Variants in LHFPL2 observed in about 807,000 individuals in gnomAD.
LHFPL2 encodes the protein LHFPL tetraspan subfamily member 2 protein.
LHFPL2 carries 7 observed loss-of-function variants against 17.5 expected under a neutral mutation model. The ratio of observed to expected loss-of-function variants is 0.40; its 90% confidence interval spans 0.23 to 0.75. The LOEUF (loss-of-function observed/expected upper bound fraction) is 0.75, where lower values mean the gene tolerates loss of function less well. Ranked by LOEUF, LHFPL2 falls within the 30% of genes least tolerant of loss-of-function variation. The probability of loss-of-function intolerance (pLI) is 0.37; values close to 1 mark genes in which losing one functional copy is unlikely to be tolerated. For synonymous variants in LHFPL2, 134 were observed against 116.2 expected, an observed-to-expected ratio of 1.15 and a Z score of -0.99; for missense variants, 241 against 294.8, an observed-to-expected ratio of 0.82 and a Z score of 1.34.
intron 4 of LHFPL2, 35 bp downstream of exon 4, chr5:78,509,749 T>C: frequency 6.3e-7 from 1 of 1,589,528 alleles, no homozygotes; most frequent in Non-Finnish European, 8.6e-7. Flanking sequence ...TCTCCATCCC[T>C]CCATCCCACC....
chr5:78,589,894 T>C (rs937438333), intron 2 of LHFPL2, among the ~76,000 whole-genome samples: 3 of 152,232 alleles, frequency 2.0e-5, no homozygotes, highest in Non-Finnish European at 4.4e-5. Context: ...CACCAAGGAT[T>C]GGTTCATTTG....
At chr5:78,593,423 A>G (rs1034076437) in intron 2 of LHFPL2, among the ~76,000 whole-genome samples, 3 of 152,184 alleles carry the variant, frequency 2.0e-5, no homozygotes, top group African/African-American at 7.2e-5. Flanking sequence ...TAAAGGCCCC[A>G]GCTGTCTCTC....
intron 2 of LHFPL2, among the ~76,000 whole-genome samples, chr5:78,584,851 G>T (rs1425930496): frequency 6.6e-6 from 1 of 152,152 alleles, no homozygotes; most frequent in African/African-American, 2.4e-5. Context: ...ACCTAAGCAA[G>T]CCTGGGCAAT....
chr5:78,607,708 A>G (rs1561362741), intron 2 of LHFPL2, among the ~76,000 whole-genome samples: 1 of 152,218 alleles, frequency 6.6e-6, no homozygotes, highest in Non-Finnish European at 1.5e-5. Context: ...AGAAGGCTTT[A>G]CCTGATAAGA....
chr5:78,630,974 G>C (rs1745221972), intron 2 of LHFPL2, among the ~76,000 whole-genome samples: 1 of 152,088 alleles, frequency 6.6e-6, no homozygotes, highest in African/African-American at 2.4e-5. Context: ...ACTGCCCTGA[G>C]GGTTTCTACT....
intron 1 of LHFPL2, among the ~76,000 whole-genome samples, chr5:78,636,009 C>CAG (rs1363596363): frequency 5.3e-5 from 8 of 151,964 alleles, no homozygotes; most frequent in Non-Finnish European, 8.8e-5. Context: ...GACACACACA[C>CAG]ACACACACAC....
chr5:78,588,388 C>T (rs1302945030), intron 2 of LHFPL2, among the ~76,000 whole-genome samples: 1 of 152,098 alleles, frequency 6.6e-6, no homozygotes, highest in East Asian at 1.9e-4. Context: ...TTTCTGAACT[C>T]TTCTATCTTT....
intron 2 of LHFPL2, among the ~76,000 whole-genome samples, chr5:78,575,372 C>A (rs1262627592): frequency 6.6e-6 from 1 of 152,040 alleles, no homozygotes; most frequent in Non-Finnish European, 1.5e-5. Flanking sequence ...TATGGTGAAA[C>A]CCCGTCTCTA....
Position 78,631,867 on chromosome 5 carries a change from T to C in LHFPL2, c.-245+397A>G, listed in dbSNP as rs572192113. Among the ~76,000 whole-genome samples the C allele has an allele frequency of 2.1e-5, 3 of 144,840 alleles. No homozygotes were observed. In the East Asian group the frequency reaches 6.0e-4, roughly 29 times the overall value. On this transcript the variant is annotated intron_variant, in intron 2 of 4. Transcript: ENST00000380345. ...AGGAGAATGGCTTGATCCTGGGAGA[T>C]GGAGGTTGCAGTGAGCCAAGATCAC...
intron 4 of LHFPL2, among the ~76,000 whole-genome samples, chr5:78,503,936 G>T (rs1226707410): frequency 6.6e-6 from 1 of 152,180 alleles, no homozygotes; most frequent in Non-Finnish European, 1.5e-5. Flanking sequence ...GCGTCTACAG[G>T]TCTCTGCACA....
chr5:78,504,292 C>T (rs1308561335), intron 4 of LHFPL2, among the ~76,000 whole-genome samples: 3 of 152,172 alleles, frequency 2.0e-5, no homozygotes, highest in Non-Finnish European at 4.4e-5. Flanking sequence ...CAAGGTCACA[C>T]CACCCCAGAG....
chr5:78,527,365 T>TTG lies in LHFPL2; in HGVS notation c.-185-16968_-185-16967insCA, dbSNP rs1416310048. On this transcript the variant is annotated intron_variant, in intron 3 of 4. Transcript: ENST00000380345. ...AAAGCTCTTAATGCTGATGAGGAGT[T>TTG]TTTTTTTTTTTTTTTTTTTTTCCAA... Among the ~76,000 whole-genome samples the TTG allele has an allele frequency of 6.6e-3, 926 of 140,474 alleles. 4 individuals are homozygous for TTG. Among genetic ancestry groups the TTG allele is most frequent in the Non-Finnish European group, 0.011 (696 of 65,626 alleles). The allele number at this position is 140,474 out of a possible 152,430, so 92.2% of individuals were successfully genotyped here. A position where few individuals can be genotyped will look rare whatever the true frequency, so the allele number is the denominator to read the frequency against.
intron 2 of LHFPL2, among the ~76,000 whole-genome samples, chr5:78,620,808 G>A (rs1458914182): frequency 6.6e-6 from 1 of 152,186 alleles, no homozygotes; most frequent in Non-Finnish European, 1.5e-5. Context: ...CGACTGCCAA[G>A]CAGCTCCAAA....
intron 2 of LHFPL2, among the ~76,000 whole-genome samples, chr5:78,568,169 C>CCAGTAA (rs1756907238): frequency 1.3e-5 from 2 of 152,288 alleles, no homozygotes; most frequent in Non-Finnish European, 1.5e-5. Context: ...GGTTGTTAAA[C>CCAGTAA]ACATGGGTTC....
intron 3 of LHFPL2, among the ~76,000 whole-genome samples, chr5:78,544,403 T>C (rs1756206241): frequency 6.6e-6 from 1 of 152,056 alleles, no homozygotes; most frequent in African/African-American, 2.4e-5. Flanking sequence ...TTGAACACAA[T>C]ATACAAAAGC....
chr5:78,491,003 C>T (rs1370169624), intron 4 of LHFPL2: 1 of 152,182 alleles, frequency 6.6e-6, no homozygotes, highest in African/African-American at 2.4e-5. Context: ...ACAGCAACTT[C>T]CCCGCAAAGA....
At chr5:78,518,026 G>A (rs1181433437) in intron 3 of LHFPL2, among the ~76,000 whole-genome samples, 1 of 152,192 alleles carries the variant, frequency 6.6e-6, no homozygotes, top group African/African-American at 2.4e-5. Context: ...AAAATCTGAT[G>A]TAGCCCAGAT....
At chr5:78,619,741 T>C (rs1248120242) in intron 2 of LHFPL2, among the ~76,000 whole-genome samples, 1 of 140,270 alleles carries the variant, frequency 7.1e-6, no homozygotes, top group East Asian at 2.1e-4. Context: ...CACCTATGAG[T>C]GAGAACATGC....
At position 78,488,834 on chromosome 5, in the gene LHFPL2, G is replaced by C. The variant is rs143770376; in HGVS notation, c.*63C>G. The C allele has an allele frequency of 6.4e-7, 1 of 1,570,176 alleles. No individual in the cohort carries two copies. Among genetic ancestry groups the C allele is most frequent in the East Asian group, 2.2e-5 (1 of 44,616 alleles). On this transcript the variant is annotated 3_prime_UTR_variant, in exon 5 of 5. Transcript: ENST00000380345. ...GGTTAGTTCTCCACTTGACTCAAAT[G>C]ATGAAACTGTGGACTGTTTCACAAG...
Sources: gnomAD v4.1 joint callset for allele counts (sites outside exome capture counted in the v4.1 genomes callset) on GRCh38, gnomAD v4.1.1 for gene constraint, MANE v1.5 for transcripts, NCBI Gene and HGNC (gene_info 2026-07-23, HGNC 2026-07-21) for gene names.